Variants in PARD3 observed in about 807,000 individuals in gnomAD.
PARD3 encodes partitioning defective 3 homolog.
A neutral mutation model predicts 155.4 loss-of-function variants in PARD3; 75 were observed. The observed-to-expected ratio is 0.48, with a 90% CI of 0.40 to 0.58. PARD3 has a LOEUF of 0.58. PARD3 is among the 20% of genes least tolerant of loss of function. The pLI is 0.00. For missense variants in PARD3, 1,642 were observed against 1,721.7 expected, an observed-to-expected ratio of 0.95 and a Z score of 0.82; for synonymous variants, 576 against 610.5, an observed-to-expected ratio of 0.94 and a Z score of 0.83.
chr10:34,504,294 T>C (rs947329450), intron 3 of PARD3, among the ~76,000 whole-genome samples: 2 of 152,078 alleles, frequency 1.3e-5, no homozygotes, highest in African/African-American at 4.8e-5. Flanking sequence ...TTGTATTTTT[T>C]ACTCTTTTTG....
intron 2 of PARD3, among the ~76,000 whole-genome samples, chr10:34,682,974 C>A (rs550930389): frequency 1.3e-5 from 2 of 152,228 alleles, no homozygotes; most frequent in Non-Finnish European, 1.5e-5. Flanking sequence ...TGGCCGACAA[C>A]GGCAACCACA....
intron 3 of PARD3, among the ~76,000 whole-genome samples, chr10:34,487,530 G>T (rs1771740356): frequency 6.6e-6 from 1 of 151,926 alleles, no homozygotes; most frequent in Admixed American, 6.6e-5. Flanking sequence ...ACAGATGTTG[G>T]AAGGCCCCAG....
At chr10:34,281,945 A>G (rs184326376) in intron 21 of PARD3, among the ~76,000 whole-genome samples, 25 of 152,208 alleles carry the variant, frequency 1.6e-4, no homozygotes, top group African/African-American at 6.0e-4. Context: ...AAAGGTTGTA[A>G]GGAGAATATA....
chr10:34,623,020 T>C (rs1590273174), intron 2 of PARD3, among the ~76,000 whole-genome samples: 1 of 152,076 alleles, frequency 6.6e-6, no homozygotes, highest in African/African-American at 2.4e-5. Flanking sequence ...GTATAAGAGC[T>C]GTAAGAGTGT....
At chr10:34,290,451 T>G (rs1482300338) in intron 20 of PARD3, among the ~76,000 whole-genome samples, 1 of 152,234 alleles carries the variant, frequency 6.6e-6, no homozygotes, top group Non-Finnish European at 1.5e-5. Context: ...CTACACCGCA[T>G]GTCTATTTAC....
At chr10:34,591,170 G>A (rs869245) in intron 2 of PARD3, among the ~76,000 whole-genome samples, 4,456 of 151,568 alleles carry the variant, frequency 0.029, 222 homozygotes, top group African/African-American at 0.1. Context: ...ACTCCACATC[G>A]TTCATCCACC....
chr10:34,802,147 C>T (rs949647150), intron 1 of PARD3, among the ~76,000 whole-genome samples: 6 of 152,234 alleles, frequency 3.9e-5, no homozygotes, highest in East Asian at 3.9e-4. Flanking sequence ...AAGTCCTACA[C>T]GGCTAAGACA....
intron 2 of PARD3, among the ~76,000 whole-genome samples, chr10:34,595,620 A>G (rs921320651): frequency 1.1e-4 from 17 of 152,334 alleles, no homozygotes; most frequent in African/African-American, 4.1e-4. Context: ...GGTGTCTGGT[A>G]CTATAACCTT....
chr10:34,514,133 AATAC>A (rs1391485441), intron 3 of PARD3, among the ~76,000 whole-genome samples: 2 of 152,226 alleles, frequency 1.3e-5, no homozygotes, highest in East Asian at 3.8e-4. Flanking sequence ...TATGGAAAAA[AATAC>A]ATACTCTATA....
chr10:34,373,938 T>C (rs1008675084), intron 11 of PARD3, among the ~76,000 whole-genome samples: 1 of 152,086 alleles, frequency 6.6e-6, no homozygotes, highest in African/African-American at 2.4e-5. Context: ...ATATGATAAA[T>C]TTGGAAACCT....
intron 1 of PARD3, among the ~76,000 whole-genome samples, chr10:34,708,246 C>T (rs1480199542): frequency 1.4e-5 from 2 of 147,018 alleles, no homozygotes; most frequent in African/African-American, 2.5e-5. Flanking sequence ...CTTTACAACG[C>T]AATTGCACTG....
At chr10:34,314,968 T>TA (rs1957921642) in intron 20 of PARD3, among the ~76,000 whole-genome samples, 1 of 152,074 alleles carries the variant, frequency 6.6e-6, no homozygotes, top group Non-Finnish European at 1.5e-5. Context: ...TCCACATACC[T>TA]AAAAAAGTAT....
intron 1 of PARD3, among the ~76,000 whole-genome samples, chr10:34,750,030 T>TACAC (rs71984849): frequency 0.046 from 6,531 of 140,646 alleles, 172 homozygotes; most frequent in Middle Eastern, 0.08. Context: ...TCAAAAAAAG[T>TACAC]ACACACACAC....
At chr10:34,727,585 G>A (rs758124883) in intron 1 of PARD3, among the ~76,000 whole-genome samples, 2 of 150,442 alleles carry the variant, frequency 1.3e-5, no homozygotes, top group Non-Finnish European at 3.0e-5. Flanking sequence ...TTTTTTGAAC[G>A]ACAACAACAA....
At chr10:34,257,553 A>G (rs139132203) in intron 22 of PARD3, among the ~76,000 whole-genome samples, 141 of 152,346 alleles carry the variant, frequency 9.3e-4, no homozygotes, top group African/African-American at 3.3e-3. Flanking sequence ...AATCTCTTTA[A>G]AGACCTAAAA....
chr10:34,714,799 G>C (rs2094495417), intron 1 of PARD3, among the ~76,000 whole-genome samples: 1 of 147,382 alleles, frequency 6.8e-6, no homozygotes, highest in Non-Finnish European at 1.5e-5. Flanking sequence ...TTTGGAGATG[G>C]AGTCTCACTC....
chr10:34,317,558 C>T (rs1564578323), intron 19 of PARD3, among the ~76,000 whole-genome samples: 1 of 152,018 alleles, frequency 6.6e-6, no homozygotes, highest in Non-Finnish European at 1.5e-5. Flanking sequence ...TCAGTAGCAG[C>T]AAAACAGCAG....
chr10:34,766,366 A>G (rs1838088045), intron 1 of PARD3, among the ~76,000 whole-genome samples: 1 of 152,204 alleles, frequency 6.6e-6, no homozygotes, highest in South Asian at 2.1e-4. Context: ...CTGATTCAAC[A>G]CAGACATCTG....
intron 2 of PARD3, among the ~76,000 whole-genome samples, chr10:34,641,671 A>T (rs1254638443): frequency 2.0e-5 from 3 of 152,076 alleles, no homozygotes; most frequent in Non-Finnish European, 2.9e-5. Flanking sequence ...AGTTCTCCAC[A>T]TGGCGGAGCA....
Sources: allele counts gnomAD v4.1 joint callset (sites outside exome capture counted in the v4.1 genomes callset), GRCh38; gene constraint gnomAD v4.1.1; transcripts MANE v1.5; gene names NCBI Gene and HGNC (gene_info 2026-07-23, HGNC 2026-07-21).